PXDNL: variants seen among roughly 807,000 people sequenced by gnomAD.
PXDNL encodes probable oxidoreductase PXDNL.
In PXDNL, 145 loss-of-function variants were observed where a neutral mutation model predicts 150.8. The observed-to-expected ratio is 0.96, with a 90% CI of 0.84 to 1.10. The LOEUF is 1.10. PXDNL is among the 50% of genes least tolerant of loss of function. The pLI is 0.00. For missense variants in PXDNL, 2,087 were observed against 1,873.9 expected (o/e 1.11, Z -2.10); for synonymous variants, 757 against 725.7 (o/e 1.04, Z -0.69).
intron 1 of PXDNL, among the ~76,000 whole-genome samples, chr8:51,695,833 G>A (rs1304179720): frequency 6.6e-6 from 1 of 152,150 alleles, no homozygotes; most frequent in Non-Finnish European, 1.5e-5. Flanking sequence ...TCTGATAATT[G>A]GAAGGTTATT....
At chr8:51,538,551 A>C (rs1025918270) in intron 4 of PXDNL, among the ~76,000 whole-genome samples, 5 of 152,164 alleles carry the variant, frequency 3.3e-5, no homozygotes, top group Admixed American at 2.0e-4. Context: ...GGATCACCTG[A>C]GGTCAAGAGT....
chr8:51,553,771 TAC>T (rs1554552269), intron 4 of PXDNL, among the ~76,000 whole-genome samples: 5 of 63,826 alleles, frequency 7.8e-5, no homozygotes, highest in African/African-American at 2.8e-4. Flanking sequence ...TATATATATA[TAC>T]ACACACTGAA....
chr8:51,670,798 T>C (rs1307120462), intron 1 of PXDNL, among the ~76,000 whole-genome samples: 1 of 152,208 alleles, frequency 6.6e-6, no homozygotes, highest in Non-Finnish European at 1.5e-5. Context: ...TGTCCCCCAG[T>C]GAGGAAAACA....
intron 19 of PXDNL, among the ~76,000 whole-genome samples, chr8:51,361,452 T>C (rs770738507): frequency 1.3e-5 from 2 of 152,196 alleles, no homozygotes; most frequent in East Asian, 3.9e-4. Flanking sequence ...GGAGATCTGA[T>C]AGCCAAAGCC....
chr8:51,342,190 G>A (rs1221827750), intron 20 of PXDNL, among the ~76,000 whole-genome samples: 1 of 151,436 alleles, frequency 6.6e-6, no homozygotes, highest in East Asian at 1.9e-4. Flanking sequence ...TAAAAAATAA[G>A]GTTTTACCCA....
At chr8:51,576,531 G>A (rs1813059150) in intron 3 of PXDNL, among the ~76,000 whole-genome samples, 1 of 151,614 alleles carries the variant, frequency 6.6e-6, no homozygotes, top group Non-Finnish European at 1.5e-5. Flanking sequence ...AGTATAGAAA[G>A]GAAAATCTAT....
intron 2 of PXDNL, among the ~76,000 whole-genome samples, chr8:51,644,108 T>C (rs899397388): frequency 1.3e-5 from 2 of 151,566 alleles, no homozygotes; most frequent in African/African-American, 4.8e-5. Context: ...ATCATGCCAC[T>C]GAACTCCAGC....
chr8:51,352,585 C>T (rs573483111), intron 19 of PXDNL, among the ~76,000 whole-genome samples: 8 of 152,218 alleles, frequency 5.3e-5, no homozygotes, highest in South Asian at 2.1e-4. Context: ...CTCTTCCTCC[C>T]GCCACCTTCT....
intron 1 of PXDNL, among the ~76,000 whole-genome samples, chr8:51,670,066 A>T (rs1815468989): frequency 6.6e-6 from 1 of 152,094 alleles, no homozygotes; most frequent in African/African-American, 2.4e-5. Context: ...GTGAAACCCC[A>T]TCTCTACTAA....
intron 2 of PXDNL, among the ~76,000 whole-genome samples, chr8:51,653,932 C>T (rs181857920): frequency 1.8e-4 from 28 of 152,230 alleles, no homozygotes; most frequent in Admixed American, 1.0e-3. Context: ...ATTGAACCTC[C>T]AGTCATCATC....
intron 2 of PXDNL, among the ~76,000 whole-genome samples, chr8:51,636,258 G>A (rs1173307772): frequency 6.6e-6 from 1 of 152,130 alleles, no homozygotes; most frequent in Non-Finnish European, 1.5e-5. Flanking sequence ...ACTTAATGGT[G>A]AAAGAAACCT....
chr8:51,547,435 C>A (rs761215615), intron 4 of PXDNL, among the ~76,000 whole-genome samples: 1 of 152,152 alleles, frequency 6.6e-6, no homozygotes, highest in Non-Finnish European at 1.5e-5. Flanking sequence ...CCAACAGAGT[C>A]CACTTCACTT....
intron 3 of PXDNL, among the ~76,000 whole-genome samples, chr8:51,557,499 T>C (rs1179886192): frequency 1.2e-4 from 18 of 152,142 alleles, no homozygotes; most frequent in Non-Finnish European, 8.8e-5. Context: ...TCGTTTTTCT[T>C]CAACCATAGG....
intron 20 of PXDNL, among the ~76,000 whole-genome samples, chr8:51,344,209 A>C (rs1350709542): frequency 6.6e-6 from 1 of 151,384 alleles, no homozygotes; most frequent in Non-Finnish European, 1.5e-5. Context: ...AGCTCAAGAC[A>C]TTTTCCTGCC....
At chr8:51,572,937 C>T (rs181699697) in intron 3 of PXDNL, among the ~76,000 whole-genome samples, 34 of 151,902 alleles carry the variant, frequency 2.2e-4, no homozygotes, top group East Asian at 2.1e-3. Context: ...GCAAATCTCC[C>T]GGGAACTTCA....
At chr8:51,771,582 T>C (rs1056598078) in intron 1 of PXDNL, among the ~76,000 whole-genome samples, 4 of 152,126 alleles carry the variant, frequency 2.6e-5, no homozygotes, top group African/African-American at 9.7e-5. Flanking sequence ...CCTGCAAGTA[T>C]GTCACTTGCT....
intron 8 of PXDNL, among the ~76,000 whole-genome samples, chr8:51,469,431 C>T (rs577851816): frequency 6.6e-6 from 1 of 152,108 alleles, no homozygotes; most frequent in East Asian, 1.9e-4. Flanking sequence ...TTCTTTCCTA[C>T]CTGTCTTTCT....
intron 3 of PXDNL, among the ~76,000 whole-genome samples, chr8:51,561,859 TTA>T (rs2130560551): frequency 6.6e-6 from 1 of 152,116 alleles, no homozygotes; most frequent in East Asian, 1.9e-4. Flanking sequence ...ATGGTACATT[TTA>T]TGTTTTGTAT....
At chr8:51,381,274 C>T (rs1053983317) in intron 17 of PXDNL, among the ~76,000 whole-genome samples, 1 of 152,116 alleles carries the variant, frequency 6.6e-6, no homozygotes, top group Non-Finnish European at 1.5e-5. Flanking sequence ...TTTTCTGAAA[C>T]TCTTCTTTCC....
Sources: gnomAD v4.1 joint callset for allele counts (sites outside exome capture counted in the v4.1 genomes callset) on GRCh38, gnomAD v4.1.1 for gene constraint, MANE v1.5 for transcripts, NCBI Gene and HGNC (gene_info 2026-07-23, HGNC 2026-07-21) for gene names.